TMEM117: variants seen among roughly 807,000 people sequenced by gnomAD.
The protein encoded by TMEM117 is transmembrane protein 117.
TMEM117 carries 27 observed loss-of-function variants against 52.4 expected under a neutral mutation model. That is an observed-to-expected ratio of 0.51 (90% CI 0.38 to 0.71). The LOEUF (loss-of-function observed/expected upper bound fraction) is 0.71. Among genes scored for constraint, TMEM117 ranks in the 30% least tolerant of loss-of-function variants. TMEM117 has a pLI of 0.00. For missense variants in TMEM117, 556 were observed against 630.5 expected, an observed-to-expected ratio of 0.88 and a Z score of 1.26; for synonymous variants, 215 against 206.3, an observed-to-expected ratio of 1.04 and a Z score of -0.36.
At chr12:44,090,397 TTTTTATTTA>T (rs1565823044) in intron 3 of TMEM117, among the ~76,000 whole-genome samples, 1 of 111,818 alleles carries the variant, frequency 8.9e-6, no homozygotes, top group East Asian at 2.2e-4. Context: ...TTTATCTTAC[TTTTTATTTA>T]TTTATTTATT....
At chr12:43,866,944 G>T (rs993120386) in intron 2 of TMEM117, among the ~76,000 whole-genome samples, 1 of 152,132 alleles carries the variant, frequency 6.6e-6, no homozygotes, top group African/African-American at 2.4e-5. Context: ...TACAAAATTA[G>T]CTGGGTGTGG....
chr12:44,234,212 G>A (rs559128993), intron 5 of TMEM117, among the ~76,000 whole-genome samples: 76 of 151,482 alleles, frequency 5.0e-4, no homozygotes, highest in African/African-American at 1.7e-3. Flanking sequence ...ACTCAATGAA[G>A]GCATTTGGGA....
the TMEM117 span, among the ~76,000 whole-genome samples, chr12:43,814,567 A>G: frequency 3.9e-5 from 6 of 152,156 alleles, no homozygotes; most frequent in South Asian, 2.1e-4. Flanking sequence ...CTGGAAGCCA[A>G]TCTGGTAAAC....
intron 5 of TMEM117, among the ~76,000 whole-genome samples, chr12:44,223,624 GCTC>G (rs1565609743): frequency 6.6e-6 from 1 of 152,088 alleles, no homozygotes; most frequent in African/African-American, 2.4e-5. Flanking sequence ...CACTTCCTTT[GCTC>G]CTAAGAATAG....
At position 44,388,153 on chromosome 12, in the gene TMEM117, A is replaced by G. The variant is rs574194983; in HGVS notation, c.1026A>G (p.Thr342=). ...QYIGPGQKIY[T]VKDSESLKDL... ...TCGGCCCGGGGCAGAAGATATATACAGTGAAAGACTCAGAAAGTTTAAAAG... is the reference window on the plus strand; with the variant it reads ...TCGGCCCGGGGCAGAAGATATATACGGTGAAAGACTCAGAAAGTTTAAAAG... The change falls in exon 8 of 8, where the codon ACA becomes ACG. Residue 342 remains threonine, a synonymous_variant. Transcript: ENST00000266534. 2 of 1,613,332 alleles carry G rather than the reference A, an allele frequency of 1.2e-6. No homozygotes were observed. Among genetic ancestry groups the G allele is most frequent in the Admixed American group, 3.3e-5 (2 of 59,876 alleles).
At chr12:43,896,464 G>A (rs1675791) in intron 2 of TMEM117, among the ~76,000 whole-genome samples, 126,420 of 152,166 alleles carry the variant, frequency 0.83, 54,635 homozygotes, top group Non-Finnish European at 0.94. Flanking sequence ...TTGTTGTTAT[G>A]TGGTTGTCCT....
intron 5 of TMEM117, among the ~76,000 whole-genome samples, chr12:44,254,437 G>A (rs1348521385): frequency 6.6e-6 from 1 of 151,702 alleles, no homozygotes; most frequent in Non-Finnish European, 1.5e-5. Flanking sequence ...AAAACTCTAA[G>A]TACCATTTTC....
At chr12:44,398,660 G>A in the TMEM117 span, among the ~76,000 whole-genome samples, 3 of 152,168 alleles carry the variant, frequency 2.0e-5, no homozygotes, top group African/African-American at 7.2e-5. Context: ...ACTGCTGGGG[G>A]CAGGCTACTG....
At chr12:44,191,304 CA>C (rs1326281659) in intron 4 of TMEM117, among the ~76,000 whole-genome samples, 4 of 152,076 alleles carry the variant, frequency 2.6e-5, no homozygotes, top group Non-Finnish European at 5.9e-5. Flanking sequence ...ATAGGAACTA[CA>C]ATTCAAGATA....
At chr12:43,916,816 A>G (rs1480820614) in intron 2 of TMEM117, among the ~76,000 whole-genome samples, 1 of 152,156 alleles carries the variant, frequency 6.6e-6, no homozygotes, top group Non-Finnish European at 1.5e-5. Context: ...CCAGGTAGAT[A>G]TATCTGATTT....
chr12:44,154,110 T>C (rs1366149175), intron 4 of TMEM117, among the ~76,000 whole-genome samples: 1 of 152,054 alleles, frequency 6.6e-6, no homozygotes, highest in Non-Finnish European at 1.5e-5. Context: ...CCTTCACTAG[T>C]CTACCAAATT....
intron 3 of TMEM117, among the ~76,000 whole-genome samples, chr12:44,023,207 C>T (rs1350028853): frequency 6.6e-6 from 1 of 152,194 alleles, no homozygotes; most frequent in African/African-American, 2.4e-5. Flanking sequence ...GCCACATTTT[C>T]TTAATCCAGT....
chr12:44,186,294 C>G (rs1404302027), intron 4 of TMEM117, among the ~76,000 whole-genome samples: 1 of 152,160 alleles, frequency 6.6e-6, no homozygotes, highest in Non-Finnish European at 1.5e-5. Context: ...AATCTTATGC[C>G]TCAAAGAAAG....
intron 5 of TMEM117, among the ~76,000 whole-genome samples, chr12:44,242,791 G>T (rs892640875): frequency 6.0e-5 from 9 of 150,162 alleles, no homozygotes; most frequent in African/African-American, 2.2e-4. Flanking sequence ...ATATGGGATT[G>T]CTGGGTCAAA....
intron 3 of TMEM117, among the ~76,000 whole-genome samples, chr12:44,086,763 T>G (rs1432501162): frequency 1.3e-5 from 2 of 151,972 alleles, no homozygotes; most frequent in African/African-American, 4.8e-5. Flanking sequence ...TTAGAAACAG[T>G]TTTTACTTTT....
intron 3 of TMEM117, among the ~76,000 whole-genome samples, chr12:43,962,038 TAAG>T (rs2073397474): frequency 1.3e-5 from 2 of 152,192 alleles, no homozygotes; most frequent in Admixed American, 6.5e-5. Context: ...AGAGTCCTAT[TAAG>T]AAAATATTTT....
At chr12:44,187,817 C>T (rs1208887515) in intron 4 of TMEM117, among the ~76,000 whole-genome samples, 1 of 152,060 alleles carries the variant, frequency 6.6e-6, no homozygotes. Context: ...ATTAGAGACC[C>T]TCTGTAATAT....
At chr12:44,357,788 C>T (rs537179149) in intron 6 of TMEM117, among the ~76,000 whole-genome samples, 2 of 152,206 alleles carry the variant, frequency 1.3e-5, no homozygotes, top group South Asian at 2.1e-4. Flanking sequence ...AAAAATAGAA[C>T]TACCATTTGA....
At chr12:44,384,492 C>T (rs1395829353) in intron 7 of TMEM117, among the ~76,000 whole-genome samples, 2 of 151,988 alleles carry the variant, frequency 1.3e-5, no homozygotes, top group Non-Finnish European at 2.9e-5. Flanking sequence ...TCTCAAAATT[C>T]ATAGATATAA....
Sources: allele counts gnomAD v4.1 joint callset (sites outside exome capture counted in the v4.1 genomes callset), GRCh38; gene constraint gnomAD v4.1.1; transcripts MANE v1.5; gene names NCBI Gene and HGNC (gene_info 2026-07-23, HGNC 2026-07-21).